Variants in WWOX observed in about 807,000 individuals in gnomAD.
WWOX encodes the protein WW domain containing oxidoreductase.
A neutral mutation model predicts 46.2 loss-of-function variants in WWOX; 69 were observed. That is an observed-to-expected ratio of 1.49 (90% CI 1.23 to 1.82). The LOEUF is 1.82. Ranked by LOEUF, WWOX falls within the 40% of genes most tolerant of loss-of-function variation. The pLI is 0.00. For missense variants in WWOX, 919 were observed against 542.6 expected, an observed-to-expected ratio of 1.69 and a Z score of -6.89; for synonymous variants, 359 against 202.6, an observed-to-expected ratio of 1.77 and a Z score of -6.56.
chr16:78,997,556 A>G (rs896721996), intron 8 of WWOX, among the ~76,000 whole-genome samples: 2 of 152,086 alleles, frequency 1.3e-5, no homozygotes, highest in East Asian at 3.9e-4. Flanking sequence ...AAACAATAGC[A>G]TGTATATACA....
At chr16:78,620,152 G>T (rs568040590) in intron 8 of WWOX, among the ~76,000 whole-genome samples, 1 of 152,128 alleles carries the variant, frequency 6.6e-6, no homozygotes, top group South Asian at 2.1e-4. Context: ...ATGGTGAGTA[G>T]GATGAATAAT....
chr16:78,160,372 G>A (rs751969599), intron 4 of WWOX, among the ~76,000 whole-genome samples: 6 of 152,144 alleles, frequency 3.9e-5, no homozygotes, highest in Middle Eastern at 6.8e-3. Context: ...CGATCCACCC[G>A]CCTCGGCCAC....
At chr16:79,019,263 G>T (rs1243851713) in intron 8 of WWOX, among the ~76,000 whole-genome samples, 1 of 150,434 alleles carries the variant, frequency 6.6e-6, no homozygotes, top group Non-Finnish European at 1.5e-5. Flanking sequence ...GAAATGCATG[G>T]TTAGGTGGTT....
chr16:78,939,702 G>T (rs1244364494), intron 8 of WWOX, among the ~76,000 whole-genome samples: 1 of 152,220 alleles, frequency 6.6e-6, no homozygotes, highest in Non-Finnish European at 1.5e-5. Context: ...TTTGGGCTTT[G>T]TAGGTACCCA....
At chr16:78,762,954 A>C (rs1447120211) in intron 8 of WWOX, among the ~76,000 whole-genome samples, 1 of 152,228 alleles carries the variant, frequency 6.6e-6, no homozygotes, top group African/African-American at 2.4e-5. Flanking sequence ...AATCACAACA[A>C]AAGGCTGGGG....
chr16:79,058,093 GAT>G (rs1269725287), intron 8 of WWOX, among the ~76,000 whole-genome samples: 4 of 141,874 alleles, frequency 2.8e-5, no homozygotes, highest in African/African-American at 5.4e-5. Context: ...CAGAGTAGGA[GAT>G]ATATCTTACT....
chr16:78,789,596 G>A (rs983914131), intron 8 of WWOX, among the ~76,000 whole-genome samples: 16 of 152,058 alleles, frequency 1.1e-4, no homozygotes, highest in African/African-American at 3.4e-4. Flanking sequence ...CTCCAACTTT[G>A]TTCTTCATTT....
chr16:79,073,408 G>A (rs1420802647), intron 8 of WWOX, among the ~76,000 whole-genome samples: 1 of 152,038 alleles, frequency 6.6e-6, no homozygotes. Context: ...TCAAACTCCT[G>A]ACCTCAGGTG....
At chr16:78,977,604 TGAAAG>T (rs1220636445) in intron 8 of WWOX, among the ~76,000 whole-genome samples, 4 of 149,734 alleles carry the variant, frequency 2.7e-5, no homozygotes, top group Non-Finnish European at 5.9e-5. Context: ...GTTACAAAAA[TGAAAG>T]GGGAGAGGAG....
intron 8 of WWOX, among the ~76,000 whole-genome samples, chr16:78,591,041 T>C (rs1254390197): frequency 2.0e-5 from 3 of 152,224 alleles, no homozygotes; most frequent in Non-Finnish European, 2.9e-5. Flanking sequence ...AAATGTGTTA[T>C]CTGCCCTAGT....
chr16:78,904,544 C>G (rs1377307802), intron 8 of WWOX, among the ~76,000 whole-genome samples: 1 of 152,028 alleles, frequency 6.6e-6, no homozygotes, highest in Non-Finnish European at 1.5e-5. Flanking sequence ...CCATAAATGT[C>G]TTTTCTGGGT....
chr16:78,440,566 T>C (rs2083421494), intron 8 of WWOX, among the ~76,000 whole-genome samples: 1 of 152,160 alleles, frequency 6.6e-6, no homozygotes, highest in South Asian at 2.1e-4. Flanking sequence ...GAATTTCTTC[T>C]TCATAACATT....
intron 1 of WWOX, among the ~76,000 whole-genome samples, chr16:78,105,251 C>T (rs912612527): frequency 6.6e-6 from 1 of 152,172 alleles, no homozygotes; most frequent in Admixed American, 6.5e-5. Flanking sequence ...CAGTTGAGGT[C>T]AGGAGTTCGA....
chr16:78,155,952 C>A (rs1456863512), intron 4 of WWOX, among the ~76,000 whole-genome samples: 1 of 152,186 alleles, frequency 6.6e-6, no homozygotes, highest in South Asian at 2.1e-4. Context: ...GTGTTATTGT[C>A]CTTCCTGTTA....
intron 8 of WWOX, among the ~76,000 whole-genome samples, chr16:78,978,057 C>G (rs1462495076): frequency 6.6e-6 from 1 of 152,224 alleles, no homozygotes; most frequent in African/African-American, 2.4e-5. Flanking sequence ...CTCTTCCCTA[C>G]CATTCTACCT....
At chr16:78,834,817 C>T (rs975720015) in intron 8 of WWOX, among the ~76,000 whole-genome samples, 2 of 152,060 alleles carry the variant, frequency 1.3e-5, no homozygotes, top group Non-Finnish European at 2.9e-5. Context: ...AAAAATTATG[C>T]AATATATAAA....
chr16:78,419,624 G>GCAAAAAAAA (rs2082876213), intron 6 of WWOX, among the ~76,000 whole-genome samples: 1 of 7,636 alleles, frequency 1.3e-4, no homozygotes, highest in African/African-American at 7.8e-4. Context: ...GCAAAAAATA[G>GCAAAAAAAA]CAAAAAAAAA....
chr16:79,114,833 G>C (rs772729167), intron 8 of WWOX, among the ~76,000 whole-genome samples: 1 of 152,218 alleles, frequency 6.6e-6, no homozygotes, highest in Non-Finnish European at 1.5e-5. Flanking sequence ...GGCCGTGGGT[G>C]ACAGGGCTGG....
At position 78,109,690 on chromosome 16, in the gene WWOX, G is replaced by A. The variant is rs1037466286; in HGVS notation, c.173-88G>A. ...GGGTGGGAGGGACAGGCTTGGGGGC[G>A]GGGCTGGGAGGGCTCCTTCCCTTCC... On this transcript the variant is annotated intron_variant, in intron 2 of 8. Transcript: ENST00000566780. 128 of 1,368,062 alleles carry A rather than the reference G, an allele frequency of 9.4e-5. No individual in the cohort carries two copies. In the South Asian group the frequency reaches 1.1e-3, roughly 11 times the overall value. The allele number at this position is 1,368,062 out of a possible 1,614,324, so 84.7% of individuals were successfully genotyped here.
Sources: gnomAD v4.1 joint callset for allele counts (sites outside exome capture counted in the v4.1 genomes callset) on GRCh38, gnomAD v4.1.1 for gene constraint, MANE v1.5 for transcripts, NCBI Gene and HGNC (gene_info 2026-07-23, HGNC 2026-07-21) for gene names.